Variants in ZC3H18 observed in about 807,000 individuals in gnomAD.
ZC3H18 encodes zinc finger CCCH domain-containing protein 18.
A neutral mutation model predicts 106.1 loss-of-function variants in ZC3H18; 8 were observed. That is an observed-to-expected ratio of 0.08 (90% CI 0.04 to 0.14). ZC3H18 has a LOEUF of 0.14. ZC3H18 is among the 10% of genes least tolerant of loss of function. ZC3H18 has a pLI of 1.00. For missense variants in ZC3H18, 1,318 were observed against 1,278.4 expected, an observed-to-expected ratio of 1.03 and a Z score of -0.47; for synonymous variants, 635 against 522.1, an observed-to-expected ratio of 1.22 and a Z score of -2.95.
chr16:88,625,282 C>G lies in ZC3H18; in HGVS notation c.2108+15C>G, dbSNP rs1317634647. On this transcript the variant is annotated intron_variant, in intron 13 of 17. Coordinates refer to ENST00000301011, the MANE Select transcript of ZC3H18 (RefSeq NM_144604.4). Reference sequence around the variant, plus strand: ...TCCCGATCCAGGTCATCCCCATCACCCTGTGCCTCTGTTTCTCCCTCCCCG... The same window carrying G: ...TCCCGATCCAGGTCATCCCCATCACGCTGTGCCTCTGTTTCTCCCTCCCCG... The G allele has an allele frequency of 3.2e-6, 5 of 1,578,364 alleles. No homozygotes were observed. Among genetic ancestry groups the G allele is most frequent in the Non-Finnish European group, 4.3e-6 (5 of 1,162,104 alleles).
At chr16:88,571,021 G>C (rs1289512272) in intron 1 of ZC3H18, among the ~76,000 whole-genome samples, 1 of 152,218 alleles carries the variant, frequency 6.6e-6, no homozygotes, top group Admixed American at 6.5e-5. Flanking sequence ...TTGCTCCGCA[G>C]CTTCAAAGTG....
chr16:88,616,908 G>T (rs8063095), intron 8 of ZC3H18, among the ~76,000 whole-genome samples: 5 of 152,020 alleles, frequency 3.3e-5, no homozygotes, highest in Non-Finnish European at 5.9e-5. Context: ...ACTTTTGTTT[G>T]GTCTGAAGCG....
chr16:88,578,884 C>T (rs1041951353), intron 2 of ZC3H18, among the ~76,000 whole-genome samples: 5 of 152,168 alleles, frequency 3.3e-5, no homozygotes, highest in African/African-American at 4.8e-5. Context: ...GATGAGGTGT[C>T]GCCCTGTTGG....
Position 88,577,441 on chromosome 16 carries a change from A to G in ZC3H18, c.318A>G (p.Glu106=), listed in dbSNP as rs1183143217. 1 of 1,609,336 alleles carries G rather than the reference A, an allele frequency of 6.2e-7. No individual in the cohort carries two copies. Among genetic ancestry groups the G allele is most frequent in the Non-Finnish European group, 8.5e-7 (1 of 1,177,350 alleles). The change falls in exon 2 of 18, where the codon GAA becomes GAG. Residue 106 remains glutamate (E), a synonymous_variant. Coordinates refer to ENST00000301011, the MANE Select transcript of ZC3H18 (RefSeq NM_144604.4). ...AGGAGGAGGGGGACGAAGGGGAGGA[A>G]GACCGGACAAGCGACCTTAGGGATG... ...PCEEEGDEGE[E]DRTSDLRDEA... is the part of the protein sequence containing the mutation.
chr16:88,593,348 C>T (rs980210448), intron 3 of ZC3H18, among the ~76,000 whole-genome samples: 12 of 152,196 alleles, frequency 7.9e-5, no homozygotes, highest in African/African-American at 1.9e-4. Context: ...GGGCAGTTAG[C>T]GTCGTGGACA....
intron 3 of ZC3H18, among the ~76,000 whole-genome samples, chr16:88,590,695 G>A (rs995863290): frequency 6.0e-5 from 9 of 150,050 alleles, no homozygotes; most frequent in African/African-American, 2.0e-4. Flanking sequence ...GAGTAGCTGC[G>A]ATTACAGGCA....
chr16:88,602,674 C>T (rs1045559683), intron 6 of ZC3H18, among the ~76,000 whole-genome samples: 9 of 152,142 alleles, frequency 5.9e-5, no homozygotes, highest in Admixed American at 6.5e-5. Flanking sequence ...TTCCTAATGT[C>T]GAGAGTTTTC....
intron 2 of ZC3H18, 30 bp downstream of exon 2, chr16:88,577,756 G>C: frequency 6.2e-7 from 1 of 1,612,276 alleles, no homozygotes; most frequent in Non-Finnish European, 8.5e-7. Flanking sequence ...GCGTCGCGGG[G>C]CATCCTGCCC....
At chr16:88,609,078 T>G in intron 7 of ZC3H18, 27 bp downstream of exon 7, 1 of 1,543,974 alleles carries the variant, frequency 6.5e-7, no homozygotes, top group Non-Finnish European at 8.9e-7. Context: ...TATCCACATA[T>G]GAACTTCATG....
chr16:88,594,966 A>G (rs978401849), intron 3 of ZC3H18, among the ~76,000 whole-genome samples: 1 of 152,110 alleles, frequency 6.6e-6, no homozygotes, highest in Non-Finnish European at 1.5e-5. Context: ...AGCCTGACCA[A>G]CATGGAGAAA....
chr16:88,574,005 C>G (rs34774547), intron 1 of ZC3H18, among the ~76,000 whole-genome samples: 2 of 151,732 alleles, frequency 1.3e-5, no homozygotes, highest in African/African-American at 2.4e-5. Context: ...TCCCGAGCAG[C>G]TGGGATTACA....
chr16:88,603,515 T>C (rs113841112), intron 6 of ZC3H18, among the ~76,000 whole-genome samples: 5,739 of 150,822 alleles, frequency 0.038, 171 homozygotes, highest in Middle Eastern at 0.079. Context: ...CCCAGCTACT[T>C]GGGAGGCTGA....
intron 17 of ZC3H18, 64 bp downstream of exon 17, chr16:88,630,645 G>C: frequency 7.0e-7 from 1 of 1,433,634 alleles, no homozygotes; most frequent in Non-Finnish European, 9.5e-7. Context: ...GCTTCCCCAG[G>C]GAGGCCAGCA....
At chr16:88,630,764 C>CCCCCCA (rs1906630298) in intron 17 of ZC3H18, among the ~76,000 whole-genome samples, 183 bp downstream of exon 17, 1 of 110,728 alleles carries the variant, frequency 9.0e-6, no homozygotes, top group African/African-American at 3.1e-5. Context: ...CCACCCCCCC[C>CCCCCCA]CACACACACA....
chr16:88,575,784 G>C (rs769539994), intron 1 of ZC3H18, among the ~76,000 whole-genome samples: 9 of 151,760 alleles, frequency 5.9e-5, no homozygotes, highest in Non-Finnish European at 1.3e-4. Flanking sequence ...TGCAGTCTTG[G>C]CTTACTGCAG....
chr16:88,611,501 G>A lies in ZC3H18; in HGVS notation c.1440G>A (p.Lys480=), dbSNP rs775498785. The change falls in exon 8 of 18, where the codon AAG becomes AAA. Residue 480 remains lysine (K), a synonymous_variant. Transcript: ENST00000301011. ...GGGAGAAGGAGCGGGAGAAGGAGAA[G>A]GGGAAGCCCAAGCCCCGCTCCCCGC... is the stretch of plus-strand genomic sequence containing the variant. The part of the protein sequence containing the change: ...RDREKEREKE[K]GKPKPRSPQP... 3.2e-6 allele frequency: 5 copies of A among 1,550,512 alleles called. No individual in the cohort carries two copies. The South Asian group carries it at 6.0e-5, about 18-fold the overall frequency.
rs1014204374 is a variant in ZC3H18 at position 88,592,761 on chromosome 16, C to T, written c.689-5417C>T. 1.1e-4 allele frequency among the ~76,000 whole-genome samples: 16 copies of T among 152,214 alleles called. 1 individual carries two copies. The highest frequency in any genetic ancestry group is 1.0e-3 in the Admixed American group (16 of 15,282). On this transcript the variant is annotated intron_variant, in intron 3 of 17. Coordinates refer to ENST00000301011, the MANE Select transcript of ZC3H18 (RefSeq NM_144604.4). ...CAAATCGAAACTATATTTATAATAA[C>T]AGTAAGGCTGAGCCAGGCATTCACC... is the stretch of plus-strand genomic sequence containing the variant.
rs566426161 is a variant in ZC3H18 at position 88,598,405 on chromosome 16, C to T, written c.837+79C>T. ...TGAATCTCAAGCTTAAGACAAGTCACTGTGCCTTAGCACAGGCTCAGTGCC... is the reference window on the plus strand; with the variant it reads ...TGAATCTCAAGCTTAAGACAAGTCATTGTGCCTTAGCACAGGCTCAGTGCC... On this transcript the variant is annotated intron_variant, in intron 4 of 17. Coordinates refer to ENST00000301011, the MANE Select transcript of ZC3H18 (RefSeq NM_144604.4). 7.2e-5 allele frequency: 111 copies of T among 1,538,750 alleles called. No homozygotes were observed. In the African/African-American group the frequency reaches 1.4e-3, roughly 19 times the overall value.
intron 6 of ZC3H18, among the ~76,000 whole-genome samples, chr16:88,602,254 A>G (rs1049973567): frequency 1.3e-5 from 2 of 152,234 alleles, no homozygotes; most frequent in African/African-American, 4.8e-5. Context: ...GTCAGGCTCC[A>G]GGGCCTTAAT....
Sources: gnomAD v4.1 joint callset for allele counts (sites outside exome capture counted in the v4.1 genomes callset) on GRCh38, gnomAD v4.1.1 for gene constraint, MANE v1.5 for transcripts, NCBI Gene and HGNC (gene_info 2026-07-23, HGNC 2026-07-21) for gene names.